The following ADGRL3 variants were observed in gnomAD, a reference collection of about 807,000 sequenced individuals.
ADGRL3 encodes the protein calcium-independent alpha-latrotoxin receptor 3.
In ADGRL3, 62 loss-of-function variants were observed where a neutral mutation model predicts 153.5. That is an observed-to-expected ratio of 0.40 (90% CI 0.33 to 0.50). ADGRL3 has a LOEUF of 0.50. Among genes scored for constraint, ADGRL3 ranks in the 20% least tolerant of loss-of-function variants. ADGRL3 has a pLI of 0.47. For missense variants in ADGRL3, 1,641 were observed against 1,859.4 expected, an observed-to-expected ratio of 0.88 and a Z score of 2.16; for synonymous variants, 710 against 672.5, an observed-to-expected ratio of 1.06 and a Z score of -0.86.
intron 1 of ADGRL3, among the ~76,000 whole-genome samples, chr4:61,330,437 C>T (rs955174883): frequency 3.3e-5 from 5 of 152,270 alleles, no homozygotes; most frequent in South Asian, 2.1e-4. Flanking sequence ...CTCTCAGACA[C>T]TGGATCTCCT....
intron 2 of ADGRL3, among the ~76,000 whole-genome samples, chr4:61,384,786 G>A (rs1440516070): frequency 6.6e-6 from 1 of 151,816 alleles, no homozygotes; most frequent in Admixed American, 6.6e-5. Flanking sequence ...TACAACAAGG[G>A]TGAAACTTGC....
rs180934815 is a variant in ADGRL3, at chr4:61,521,988, A to G, written c.259+4470A>G. Among the ~76,000 whole-genome samples, 7 of 152,274 alleles carry G rather than the reference A, an allele frequency of 4.6e-5. No homozygotes were observed. The East Asian group carries it at 1.4e-3, about 29-fold the overall frequency. ...CTGGTAGCCTTATTATTTGTTAGGC[A>G]TCTTCTTTTGGCCCAGATGTGATAA... On this transcript the variant is annotated intron_variant, in intron 4 of 26. Coordinates refer to ENST00000683033, the MANE Select transcript of ADGRL3 (RefSeq NM_001387552.1).
intron 19 of ADGRL3, among the ~76,000 whole-genome samples, chr4:61,990,961 T>TGC (rs963797635): frequency 2.3e-5 from 2 of 87,648 alleles, no homozygotes; most frequent in Non-Finnish European, 5.0e-5. Flanking sequence ...ACTGTGTGTG[T>TGC]GTGTGTGTGT....
chr4:61,385,107 C>T (rs1401469172), intron 2 of ADGRL3, among the ~76,000 whole-genome samples: 1 of 152,056 alleles, frequency 6.6e-6, no homozygotes, highest in African/African-American at 2.4e-5. Flanking sequence ...ACCTGCCAAA[C>T]ATTTAACGGG....
At chr4:61,497,949 T>C (rs2098339756) in intron 3 of ADGRL3, among the ~76,000 whole-genome samples, 1 of 152,192 alleles carries the variant, frequency 6.6e-6, no homozygotes, top group African/African-American at 2.4e-5. Flanking sequence ...TTTTAGTCTT[T>C]ACTACACTTT....
At chr4:61,634,910 C>T (rs2093349589) in intron 5 of ADGRL3, among the ~76,000 whole-genome samples, 1 of 152,122 alleles carries the variant, frequency 6.6e-6, no homozygotes, top group Admixed American at 6.5e-5. Flanking sequence ...TTGAAATCTG[C>T]AAGAGCCCTA....
chr4:61,726,030 A>G (rs1386277004), intron 6 of ADGRL3, among the ~76,000 whole-genome samples: 1 of 152,132 alleles, frequency 6.6e-6, no homozygotes, highest in Non-Finnish European at 1.5e-5. Flanking sequence ...GTTCATATAT[A>G]AAGTATAGGC....
chr4:61,809,336 C>T (rs896514552), intron 8 of ADGRL3, among the ~76,000 whole-genome samples: 25 of 152,018 alleles, frequency 1.6e-4, no homozygotes, highest in Admixed American at 5.9e-4. Flanking sequence ...TCAGTGGTGA[C>T]ATTATTAATA....
intron 8 of ADGRL3, among the ~76,000 whole-genome samples, chr4:61,761,601 C>G (rs1580694720): frequency 6.6e-6 from 1 of 152,028 alleles, no homozygotes; most frequent in African/African-American, 2.4e-5. Context: ...CAATACCAGC[C>G]TGAGCAACAA....
intron 9 of ADGRL3, among the ~76,000 whole-genome samples, chr4:61,892,194 T>A (rs1377845478): frequency 6.6e-6 from 1 of 151,768 alleles, no homozygotes; most frequent in African/African-American, 2.4e-5. Context: ...TTTTTTTTTT[T>A]TGTCCTCTCA....
intron 21 of ADGRL3, among the ~76,000 whole-genome samples, chr4:62,016,978 A>AT (rs2099215118): frequency 2.6e-5 from 4 of 151,842 alleles, no homozygotes; most frequent in Non-Finnish European, 5.9e-5. Flanking sequence ...TTTCCCTTTA[A>AT]TTTTTTAGTT....
intron 9 of ADGRL3, among the ~76,000 whole-genome samples, chr4:61,871,039 G>A (rs2098440760): frequency 1.3e-5 from 2 of 152,156 alleles, no homozygotes; most frequent in African/African-American, 4.8e-5. Flanking sequence ...AGCTCTTTGG[G>A]AGGCCAAGGC....
At chr4:61,609,246 C>T (rs1318277163) in intron 5 of ADGRL3, among the ~76,000 whole-genome samples, 1 of 152,036 alleles carries the variant, frequency 6.6e-6, no homozygotes, top group Non-Finnish European at 1.5e-5. Context: ...ATTTGCTCAT[C>T]AGTATTCTCA....
At chr4:61,238,341 ACT>A (rs1384528592) in intron 1 of ADGRL3, among the ~76,000 whole-genome samples, 1 of 151,918 alleles carries the variant, frequency 6.6e-6, no homozygotes, top group Non-Finnish European at 1.5e-5. Flanking sequence ...ACTCCCTTAT[ACT>A]CTCTGTTATC....
At chr4:61,237,385 G>C (rs1753245383) in intron 1 of ADGRL3, among the ~76,000 whole-genome samples, 1 of 152,152 alleles carries the variant, frequency 6.6e-6, no homozygotes, top group African/African-American at 2.4e-5. Flanking sequence ...TATGTTTGCT[G>C]TATTATGCTA....
At chr4:61,969,331 T>TA (rs33916866) in intron 17 of ADGRL3, among the ~76,000 whole-genome samples, 14,541 of 152,102 alleles carry the variant, frequency 0.096, 896 homozygotes, top group East Asian at 0.18. Flanking sequence ...TTGATTGACT[T>TA]ACAAAAACTT....
Position 62,070,119 on chromosome 4 carries a change from G to C in ADGRL3, c.3843G>C (p.Leu1281=). 5 of 1,612,818 alleles carry C rather than the reference G, an allele frequency of 3.1e-6. No individual in the cohort carries two copies. Among genetic ancestry groups the C allele is most frequent in the East Asian group, 2.2e-5 (1 of 44,828 alleles). ...TGTAATCTTTTTCAGAGGGGCTTCT[G>C]AACAATGCCAGGGATACAAGTGTCA... ...REPYRETKGL[L]NNARDTSVMD... The change falls in exon 27 of 27, where the codon CTG becomes CTC. Residue 1281 remains leucine (L), a synonymous_variant. Coordinates refer to ENST00000683033, the MANE Select transcript of ADGRL3 (RefSeq NM_001387552.1).
rs113141967 is a variant in ADGRL3 at position 61,535,323 on chromosome 4, G to A, written c.259+17805G>A. Reference sequence around the variant, plus strand: ...TCGTGATGGATTATTTTTGGATAGGGTGTTGGATTTGGTTTGCTAGTATTT... The same window carrying A: ...TCGTGATGGATTATTTTTGGATAGGATGTTGGATTTGGTTTGCTAGTATTT... On this transcript the variant is annotated intron_variant, in intron 4 of 26. Transcript: ENST00000683033. Among the ~76,000 whole-genome samples, 6 of 151,994 alleles carry A rather than the reference G, an allele frequency of 3.9e-5. 1 individual carries two copies. The highest frequency in any genetic ancestry group is 1.4e-4 in the African/African-American group (6 of 41,524).
intron 8 of ADGRL3, among the ~76,000 whole-genome samples, chr4:61,756,481 CTT>C (rs1295434440): frequency 1.4e-4 from 21 of 151,858 alleles, no homozygotes; most frequent in Non-Finnish European, 2.4e-4. Flanking sequence ...TATCCTGAGA[CTT>C]TGCTGAAGTT....
Sources: gnomAD v4.1 joint callset for allele counts (sites outside exome capture counted in the v4.1 genomes callset) on GRCh38, gnomAD v4.1.1 for gene constraint, MANE v1.5 for transcripts, NCBI Gene and HGNC (gene_info 2026-07-23, HGNC 2026-07-21) for gene names.